Variants in MRTFA observed in about 807,000 individuals in gnomAD.
The protein encoded by MRTFA is myocardin related transcription factor A.
A neutral mutation model predicts 83.5 loss-of-function variants in MRTFA; 20 were observed. The ratio of observed to expected loss-of-function variants is 0.24; its 90% CI spans 0.17 to 0.35. The LOEUF is 0.35. Ranked by LOEUF, MRTFA falls within the 10% of genes least tolerant of loss-of-function variation. The pLI is 1.00. For synonymous variants in MRTFA, 659 were observed against 541.2 expected, an observed-to-expected ratio of 1.22 and a Z score of -3.02; for missense variants, 1,200 against 1,224.7, an observed-to-expected ratio of 0.98 and a Z score of 0.30.
At chr22:40,485,899 G>T (rs1233117323) in intron 3 of MRTFA, among the ~76,000 whole-genome samples, 1 of 152,220 alleles carries the variant, frequency 6.6e-6, no homozygotes, top group Non-Finnish European at 1.5e-5. Context: ...CCTCAACTGG[G>T]AAGGACCAAA....
intron 3 of MRTFA, among the ~76,000 whole-genome samples, chr22:40,535,216 A>T (rs2055147203): frequency 6.6e-6 from 1 of 152,170 alleles, no homozygotes. Flanking sequence ...GGTAAATTTC[A>T]ACTTTGAGTC....
intron 1 of MRTFA, among the ~76,000 whole-genome samples, chr22:40,607,242 C>T (rs1046837632): frequency 2.0e-5 from 3 of 152,140 alleles, no homozygotes; most frequent in Non-Finnish European, 4.4e-5. Context: ...CGGTGGCTCA[C>T]GCTTGTAATC....
intron 4 of MRTFA, among the ~76,000 whole-genome samples, chr22:40,445,577 C>A (rs1298619824): frequency 1.3e-5 from 2 of 152,044 alleles, no homozygotes; most frequent in Non-Finnish European, 2.9e-5. Flanking sequence ...CTCTGTTGCC[C>A]AGGCTGGAGT....
intron 1 of MRTFA, among the ~76,000 whole-genome samples, chr22:40,609,720 A>G (rs544750585): frequency 6.6e-6 from 1 of 151,262 alleles, no homozygotes; most frequent in South Asian, 2.1e-4. Flanking sequence ...TAATCCAGCT[A>G]CTCGGGAGGC....
intron 1 of MRTFA, among the ~76,000 whole-genome samples, chr22:40,603,457 A>G (rs112567321): frequency 2.7e-4 from 41 of 152,280 alleles, no homozygotes; most frequent in African/African-American, 9.4e-4. Flanking sequence ...AACTACCATA[A>G]CATATTCTAA....
intron 2 of MRTFA, among the ~76,000 whole-genome samples, chr22:40,582,665 TACAC>T (rs3044561): frequency 0.05 from 7,185 of 143,050 alleles, 553 homozygotes; most frequent in African/African-American, 0.17. Flanking sequence ...TATACACACA[TACAC>T]ACACACACAC....
intron 4 of MRTFA, among the ~76,000 whole-genome samples, chr22:40,457,473 A>AGAAAGAAAGAAAGAAG (rs749004414): frequency 3.5e-5 from 5 of 143,594 alleles, no homozygotes; most frequent in Non-Finnish European, 6.2e-5. Context: ...AAAGAAAGAA[A>AGAAAGAAAGAAAGAAG]GAAAGAAAGA....
chr22:40,515,600 C>T (rs1207796913), intron 3 of MRTFA, among the ~76,000 whole-genome samples: 2 of 151,852 alleles, frequency 1.3e-5, no homozygotes, highest in Non-Finnish European at 2.9e-5. Context: ...GGCTGGGGCA[C>T]GAGAATCGTT....
At chr22:40,598,187 T>C (rs370761363) in intron 1 of MRTFA, among the ~76,000 whole-genome samples, 75 of 152,188 alleles carry the variant, frequency 4.9e-4, no homozygotes, top group African/African-American at 1.7e-3. Flanking sequence ...TTTTTGGTGG[T>C]TGTTTCCCTC....
chr22:40,503,561 G>A (rs2147229119), intron 3 of MRTFA, among the ~76,000 whole-genome samples: 1 of 152,282 alleles, frequency 6.6e-6, no homozygotes, highest in Middle Eastern at 3.4e-3. Flanking sequence ...TACTTAGCTT[G>A]AGACTCCGAT....
At chr22:40,439,581 T>C (rs1428903325) in intron 4 of MRTFA, among the ~76,000 whole-genome samples, 5 of 150,878 alleles carry the variant, frequency 3.3e-5, no homozygotes, top group Non-Finnish European at 7.4e-5. Flanking sequence ...AGCTTCAATG[T>C]TCAATGACAC....
chr22:40,411,447 G>A lies in MRTFA; in HGVS notation c.3039C>T (p.Phe1013=), dbSNP rs754792347. The A allele has an allele frequency of 6.3e-7, 1 of 1,593,404 alleles. No individual in the cohort carries two copies. The highest frequency in any genetic ancestry group is 1.7e-5 in the Admixed American group (1 of 59,228). ...CATGGCCATCGAGGAAGTCTGTGGA[G>A]AAGAGGCTGGGGGCTGTGGTGCTGA... Residue 1013 remains phenylalanine (F), a synonymous_variant, in exon 15 of 15, where the codon TTC becomes TTT. Coordinates refer to ENST00000355630, the MANE Select transcript of MRTFA (RefSeq NM_020831.6).
chr22:40,620,351 C>T (rs1324956357), intron 1 of MRTFA, among the ~76,000 whole-genome samples: 1 of 151,516 alleles, frequency 6.6e-6, no homozygotes, highest in Non-Finnish European at 1.5e-5. Context: ...CTCGAACTCC[C>T]GACCTCAGGT....
chr22:40,573,157 T>G (rs1476335328), intron 2 of MRTFA, among the ~76,000 whole-genome samples: 1 of 152,154 alleles, frequency 6.6e-6, no homozygotes, highest in Non-Finnish European at 1.5e-5. Flanking sequence ...AGTTTCTTTT[T>G]GGGATGATGA....
At chr22:40,495,292 T>C (rs1452711248) in intron 3 of MRTFA, among the ~76,000 whole-genome samples, 1 of 151,368 alleles carries the variant, frequency 6.6e-6, no homozygotes, top group African/African-American at 2.4e-5. Flanking sequence ...TAAAAAAAAA[T>C]ACAAAAAAAA....
intron 2 of MRTFA, among the ~76,000 whole-genome samples, chr22:40,571,760 G>A (rs1161214148): frequency 6.7e-6 from 1 of 149,102 alleles, no homozygotes; most frequent in African/African-American, 2.5e-5. Context: ...CTACTAACAA[G>A]ACCAAAAAAA....
chr22:40,576,690 C>T (rs2055872476), intron 2 of MRTFA, among the ~76,000 whole-genome samples: 1 of 152,150 alleles, frequency 6.6e-6, no homozygotes, highest in South Asian at 2.1e-4. Context: ...TATCTATCTT[C>T]AATATGTGAA....
At chr22:40,618,124 G>C (rs558753770) in intron 1 of MRTFA, among the ~76,000 whole-genome samples, 1 of 151,864 alleles carries the variant, frequency 6.6e-6, no homozygotes, top group South Asian at 2.1e-4. Context: ...GCCCAGGCTG[G>C]AGCACACTGG....
chr22:40,544,449 A>T (rs1395245236), intron 3 of MRTFA, among the ~76,000 whole-genome samples: 1 of 151,546 alleles, frequency 6.6e-6, no homozygotes, highest in Non-Finnish European at 1.5e-5. Context: ...TTGGTCTTGA[A>T]CTCCTGGCCT....
Sources: gnomAD v4.1 joint callset for allele counts (sites outside exome capture counted in the v4.1 genomes callset) on GRCh38, gnomAD v4.1.1 for gene constraint, MANE v1.5 for transcripts, NCBI Gene and HGNC (gene_info 2026-07-23, HGNC 2026-07-21) for gene names.